SLC9A4: variants seen among roughly 807,000 people sequenced by gnomAD.
The protein encoded by SLC9A4 is sodium/hydrogen exchanger 4.
SLC9A4 carries 63 observed loss-of-function variants against 67.4 expected under a neutral mutation model. The ratio of observed to expected loss-of-function variants is 0.93; its 90% CI spans 0.76 to 1.15. The LOEUF (loss-of-function observed/expected upper bound fraction) is 1.15, where lower values mean the gene tolerates loss of function less well. Among genes scored for constraint, SLC9A4 ranks in the 50% most tolerant of loss-of-function variants. The pLI, the probability that SLC9A4 is intolerant of heterozygous loss-of-function variation, is 0.00. For missense variants in SLC9A4, 1,089 were observed against 987.7 expected, an observed-to-expected ratio of 1.10 and a Z score of -1.38; for synonymous variants, 393 against 367.2, an observed-to-expected ratio of 1.07 and a Z score of -0.80.
chr2:102,486,173 A>T (rs1684585040), intron 2 of SLC9A4, among the ~76,000 whole-genome samples: 2 of 152,244 alleles, frequency 1.3e-5, no homozygotes, highest in South Asian at 4.1e-4. Context: ...GCTTCATTGC[A>T]GGTCCTGCCT....
chr2:102,528,655 A>C (rs1244386735), intron 11 of SLC9A4, among the ~76,000 whole-genome samples: 2 of 152,176 alleles, frequency 1.3e-5, no homozygotes, highest in African/African-American at 4.8e-5. Flanking sequence ...ACAAATCTTA[A>C]ATAAGCATTA....
At chr2:102,509,892 T>G (rs943094660) in intron 6 of SLC9A4, among the ~76,000 whole-genome samples, 12 of 152,120 alleles carry the variant, frequency 7.9e-5, no homozygotes, top group African/African-American at 2.9e-4. Flanking sequence ...CTAAGCAAAC[T>G]TCAATGTTTC....
rs116882803 is a variant in SLC9A4, at chr2:102,505,555, G to A, written c.1198+84G>A. On this transcript the variant is annotated intron_variant, in intron 4 of 11. Transcript: ENST00000295269. ...CCCTTCCGCAATGTTAAAACTGGAGGACTGAGTAGATGCTAACTGGTTTTA... is the reference window on the plus strand; with the variant it reads ...CCCTTCCGCAATGTTAAAACTGGAGAACTGAGTAGATGCTAACTGGTTTTA... 1,260 of 1,348,648 alleles carry A rather than the reference G, an allele frequency of 9.3e-4. 19 individuals carry two copies. In the East Asian group the frequency reaches 0.026, roughly 28 times the overall value. 83.5% of individuals were successfully genotyped at this position (1,348,648 alleles called of 1,614,324 possible). A position where few individuals can be genotyped will look rare whatever the true frequency, so the allele number is the denominator to read the frequency against.
Position 102,479,578 on chromosome 2 carries a change from C to A in SLC9A4, c.720+276C>A, listed in dbSNP as rs191534822. 1.9e-4 allele frequency among the ~76,000 whole-genome samples: 29 copies of A among 152,336 alleles called. No individual in the cohort carries two copies. The South Asian group carries it at 2.3e-3, about 12-fold the overall frequency. ...ACGTATCATTCTTGAGTTAAATGTA[C>A]TTTTTCACTTAGCAAACAGAAACTG... is the stretch of plus-strand genomic sequence containing the variant. On this transcript the variant is annotated intron_variant, in intron 2 of 11. Transcript: ENST00000295269.
rs770248469 is a variant in SLC9A4 at position 102,508,316 on chromosome 2, T to C, written c.1401+35T>C. ...TTTCCCTTATATTTAAATAAATAGG[T>C]TATTTCAGGACAATGTAGTAAATTA... On this transcript the variant is annotated intron_variant, in intron 5 of 11. Coordinates refer to ENST00000295269, the MANE Select transcript of SLC9A4 (RefSeq NM_001011552.4). The C allele has an allele frequency of 1.2e-5, 19 of 1,524,402 alleles. No individual in the cohort carries two copies. The African/African-American group carries it at 2.7e-4, about 21-fold the overall frequency. 94.4% of individuals were successfully genotyped at this position (1,524,402 alleles called of 1,614,324 possible).
chr2:102,528,010 G>A (rs1338074608), intron 11 of SLC9A4, among the ~76,000 whole-genome samples: 2 of 151,740 alleles, frequency 1.3e-5, no homozygotes, highest in Non-Finnish European at 2.9e-5. Flanking sequence ...TGTTGCCAAC[G>A]ATTTTTTTAT....
intron 9 of SLC9A4, among the ~76,000 whole-genome samples, chr2:102,523,402 A>G (rs1227016275): frequency 6.6e-6 from 1 of 152,188 alleles, no homozygotes; most frequent in Non-Finnish European, 1.5e-5. Context: ...ACAAACAATG[A>G]ACTGCAAGCC....
chr2:102,479,008 C>T lies in SLC9A4; in HGVS notation c.426C>T (p.Gly142=), dbSNP rs575529823. Residue 142 remains glycine (G), a synonymous_variant, in exon 2 of 12, where the codon GGC becomes GGT. Coordinates refer to ENST00000295269, the MANE Select transcript of SLC9A4 (RefSeq NM_001011552.4). ...TCCTGCCACCCATCGTTCTGGAGGG[C>T]GGCTACTTCATGCCCACCCGGCCCT... ...LYLLPPIVLE[G]GYFMPTRPFF... is the part of the protein sequence containing the mutation. 11 of 1,614,182 alleles carry T rather than the reference C, an allele frequency of 6.8e-6. 1 individual carries two copies. Among genetic ancestry groups the T allele is most frequent in the South Asian group, 5.5e-5 (5 of 91,088 alleles).
chr2:102,495,582 C>G (rs952314073), intron 2 of SLC9A4, among the ~76,000 whole-genome samples: 1 of 152,032 alleles, frequency 6.6e-6, no homozygotes, highest in Non-Finnish European at 1.5e-5. Flanking sequence ...AAGAACAAAG[C>G]TGAAAGACTT....
In SLC9A4 at chr2:102,473,464, T is replaced by C; in HGVS notation, c.-296T>C. The C allele has an allele frequency of 2.6e-6, 1 of 390,602 alleles. No individual in the cohort carries two copies. Among genetic ancestry groups the C allele is most frequent in the Non-Finnish European group, 4.6e-6 (1 of 216,232 alleles). The allele number at this position is 390,602 out of a possible 1,614,324, so 24.2% of individuals were successfully genotyped here. ...GATTTTTATTTCTTTCATAAATTGC[T>C]CAAGCCATGATTGGATGGAGGTCCT... On this transcript the variant is annotated 5_prime_UTR_variant, in exon 1 of 12. Transcript: ENST00000295269.
chr2:102,504,996 G>T (rs1454813485), intron 3 of SLC9A4, among the ~76,000 whole-genome samples: 1 of 152,244 alleles, frequency 6.6e-6, no homozygotes, highest in Non-Finnish European at 1.5e-5. Flanking sequence ...GTGTGCCCAT[G>T]CGAATTACGT....
At chr2:102,520,100 T>C (rs17027341) in intron 9 of SLC9A4, 145 bp downstream of exon 9, 81,559 of 641,098 alleles carry the variant, frequency 0.13, 6,179 homozygotes, top group African/African-American at 0.24. Context: ...CTCTGCTTAG[T>C]TTGGAGAATA....
intron 2 of SLC9A4, among the ~76,000 whole-genome samples, chr2:102,489,574 G>A (rs181673214): frequency 9.2e-5 from 14 of 152,196 alleles, no homozygotes; most frequent in African/African-American, 3.4e-4. Context: ...TGCACCCTAG[G>A]TCAATAAACA....
intron 4 of SLC9A4, among the ~76,000 whole-genome samples, chr2:102,506,191 T>A (rs917419384): frequency 6.6e-6 from 1 of 152,250 alleles, no homozygotes; most frequent in African/African-American, 2.4e-5. Context: ...TGATTTATCT[T>A]GTACATTTAT....
At chr2:102,512,529 A>C (rs549488291) in intron 7 of SLC9A4, among the ~76,000 whole-genome samples, 29 of 152,306 alleles carry the variant, frequency 1.9e-4, no homozygotes, top group Admixed American at 5.2e-4. Flanking sequence ...AAATTAGAAA[A>C]GTAATATTTA....
At chr2:102,483,812 A>C in intron 2 of SLC9A4, among the ~76,000 whole-genome samples, 2 of 102,780 alleles carry the variant, frequency 1.9e-5, no homozygotes, top group South Asian at 5.9e-4. Flanking sequence ...ATATATATAT[A>C]TATATATATA....
intron 8 of SLC9A4, among the ~76,000 whole-genome samples, chr2:102,517,633 A>G (rs1685301091): frequency 6.6e-6 from 1 of 152,238 alleles, no homozygotes; most frequent in African/African-American, 2.4e-5. Flanking sequence ...AAAGACAAAA[A>G]TGTAAGGTGA....
chr2:102,479,850 G>A (rs184063012), intron 2 of SLC9A4, among the ~76,000 whole-genome samples: 43 of 152,226 alleles, frequency 2.8e-4, no homozygotes, highest in African/African-American at 1.0e-3. Flanking sequence ...TGAATGAGGC[G>A]TTTTTGCTTA....
rs1341495212 is a variant in SLC9A4, at chr2:102,473,567, C to T, written c.-193C>T. 2.4e-5 allele frequency: 15 copies of T among 631,150 alleles called. No individual in the cohort carries two copies. The highest frequency in any genetic ancestry group is 2.1e-4 in the South Asian group (9 of 42,778). 39.1% of individuals were successfully genotyped at this position (631,150 alleles called of 1,614,324 possible). A position where few individuals can be genotyped will look rare whatever the true frequency, so the allele number is the denominator to read the frequency against. ...GGAAGCTGAGTTGCCTGAACACAAA[C>T]GATTTAAACCAGATTAGAAAGTGTC... On this transcript the variant is annotated 5_prime_UTR_variant, in exon 1 of 12. In the 5' UTR this introduces an upstream ATG that the reference lacks. Transcript: ENST00000295269.
Sources: allele counts gnomAD v4.1 joint callset (sites outside exome capture counted in the v4.1 genomes callset), GRCh38; gene constraint gnomAD v4.1.1; transcripts MANE v1.5; gene names NCBI Gene and HGNC (gene_info 2026-07-23, HGNC 2026-07-21).